CDH13: variants seen among roughly 807,000 people sequenced by gnomAD.
CDH13 encodes the protein cadherin 13.
CDH13 carries 24 observed loss-of-function variants against 63.8 expected under a neutral mutation model. The observed-to-expected ratio is 0.38, with a 90% CI of 0.27 to 0.53. CDH13 has a LOEUF of 0.53. CDH13 is among the 20% of genes least tolerant of loss of function. The probability of loss-of-function intolerance (pLI) is 0.85; values close to 1 mark genes in which losing one functional copy is unlikely to be tolerated. For synonymous variants in CDH13, 503 were observed against 355.3 expected (o/e 1.42, Z -4.67); for missense variants, 1,049 against 903.1 (o/e 1.16, Z -2.07).
intron 2 of CDH13, among the ~76,000 whole-genome samples, chr16:82,927,944 G>C (rs998856871): frequency 2.0e-5 from 3 of 152,204 alleles, no homozygotes; most frequent in Non-Finnish European, 4.4e-5. Context: ...GGGGCTATAA[G>C]ACATGGTCTA....
intron 5 of CDH13, among the ~76,000 whole-genome samples, chr16:83,285,959 C>T (rs2089301669): frequency 6.6e-6 from 1 of 152,172 alleles, no homozygotes; most frequent in Non-Finnish European, 1.5e-5. Flanking sequence ...TGGAGGGTTC[C>T]TGCCCATGTC....
intron 5 of CDH13, among the ~76,000 whole-genome samples, chr16:83,248,832 C>A (rs1024686577): frequency 1.3e-5 from 2 of 152,168 alleles, no homozygotes; most frequent in African/African-American, 4.8e-5. Flanking sequence ...ACAGAACTCT[C>A]CCCTGGAATT....
intron 7 of CDH13, among the ~76,000 whole-genome samples, chr16:83,509,190 C>T: frequency 6.6e-6 from 1 of 152,210 alleles, no homozygotes; most frequent in Non-Finnish European, 1.5e-5. Context: ...TGATGCCCAC[C>T]TTGATGGTAT....
intron 2 of CDH13, among the ~76,000 whole-genome samples, chr16:82,913,748 C>A (rs1156691405): frequency 6.6e-6 from 1 of 151,554 alleles, no homozygotes. Context: ...AACAGCCGTT[C>A]CAAGGAAGTA....
chr16:83,539,479 G>A (rs1462032372), intron 7 of CDH13, among the ~76,000 whole-genome samples: 2 of 152,172 alleles, frequency 1.3e-5, no homozygotes, highest in Non-Finnish European at 2.9e-5. Context: ...CACAATTCAA[G>A]AAATGCTAGT....
At chr16:83,499,280 A>G (rs1266332534) in intron 7 of CDH13, among the ~76,000 whole-genome samples, 1 of 152,256 alleles carries the variant, frequency 6.6e-6, no homozygotes, top group Non-Finnish European at 1.5e-5. Flanking sequence ...TTAAGCTGTG[A>G]TACTTCTTTG....
intron 1 of CDH13, among the ~76,000 whole-genome samples, chr16:82,729,426 A>T (rs1046075564): frequency 7.2e-5 from 11 of 152,180 alleles, no homozygotes; most frequent in African/African-American, 2.7e-4. Flanking sequence ...AGTCTCGTAC[A>T]TCTCTATTAG....
intron 4 of CDH13, among the ~76,000 whole-genome samples, chr16:83,198,531 A>G (rs1171351360): frequency 6.6e-6 from 1 of 152,220 alleles, no homozygotes; most frequent in Non-Finnish European, 1.5e-5. Flanking sequence ...TCCAGTGTAC[A>G]GACAGAAGGT....
intron 7 of CDH13, among the ~76,000 whole-genome samples, chr16:83,525,188 C>T (rs192440010): frequency 3.1e-4 from 47 of 152,216 alleles, no homozygotes; most frequent in African/African-American, 1.1e-3. Context: ...GAACCAACCA[C>T]GGGCCAGTAG....
intron 1 of CDH13, among the ~76,000 whole-genome samples, chr16:82,753,543 A>G (rs1390735302): frequency 2.6e-5 from 4 of 152,312 alleles, no homozygotes; most frequent in African/African-American, 7.2e-5. Flanking sequence ...ATGGCCCACC[A>G]TCACCTTAAA....
chr16:83,622,501 C>G (rs529834364), intron 8 of CDH13, among the ~76,000 whole-genome samples: 1 of 152,326 alleles, frequency 6.6e-6, no homozygotes, highest in South Asian at 2.1e-4. Context: ...TCAGTATATT[C>G]ATGTGCGTAT....
intron 5 of CDH13, among the ~76,000 whole-genome samples, chr16:83,270,700 G>A (rs1294049059): frequency 6.6e-6 from 1 of 152,070 alleles, no homozygotes; most frequent in Non-Finnish European, 1.5e-5. Flanking sequence ...TATTTTTCAA[G>A]ACACGTTCCT....
intron 2 of CDH13, among the ~76,000 whole-genome samples, chr16:82,963,816 T>G (rs1907401052): frequency 6.6e-6 from 1 of 152,148 alleles, no homozygotes; most frequent in South Asian, 2.1e-4. Context: ...GGGAACAGCA[T>G]TTTCCTGCCT....
At chr16:82,916,918 T>G (rs947247082) in intron 2 of CDH13, among the ~76,000 whole-genome samples, 4 of 152,370 alleles carry the variant, frequency 2.6e-5, no homozygotes, top group African/African-American at 9.6e-5. Flanking sequence ...TTCTGGTTAG[T>G]ATGTAGCAAA....
intron 2 of CDH13, among the ~76,000 whole-genome samples, chr16:82,881,041 G>C (rs2040684819): frequency 6.6e-6 from 1 of 152,146 alleles, no homozygotes; most frequent in Admixed American, 6.5e-5. Context: ...CTTTCAAATG[G>C]AATGCGTGGA....
At chr16:83,128,830 C>A (rs1174178765) in intron 4 of CDH13, among the ~76,000 whole-genome samples, 2 of 152,160 alleles carry the variant, frequency 1.3e-5, no homozygotes, top group Non-Finnish European at 2.9e-5. Context: ...TTCTTCTTAG[C>A]CCCTTATGTG....
At chr16:83,392,201 G>A (rs929604187) in intron 6 of CDH13, among the ~76,000 whole-genome samples, 24 of 152,210 alleles carry the variant, frequency 1.6e-4, no homozygotes, top group African/African-American at 5.3e-4. Context: ...TCATAGCTTC[G>A]TGGCCCTGGG....
At chr16:82,742,731 A>T (rs1303663402) in intron 1 of CDH13, among the ~76,000 whole-genome samples, 1 of 152,218 alleles carries the variant, frequency 6.6e-6, no homozygotes, top group Non-Finnish European at 1.5e-5. Context: ...AACTCTGAAG[A>T]ACGCATGCTC....
intron 1 of CDH13, among the ~76,000 whole-genome samples, chr16:82,667,825 G>C (rs1912780130): frequency 6.6e-6 from 1 of 152,130 alleles, no homozygotes; most frequent in Admixed American, 6.5e-5. Context: ...GCTATGTCAG[G>C]CATTCATGGC....
Sources: allele counts gnomAD v4.1 joint callset (sites outside exome capture counted in the v4.1 genomes callset), GRCh38; gene constraint gnomAD v4.1.1; transcripts MANE v1.5; gene names NCBI Gene and HGNC (gene_info 2026-07-23, HGNC 2026-07-21).